Variants in RPH3A observed in about 807,000 individuals in gnomAD.
RPH3A encodes the protein rabphilin 3A.
A neutral mutation model predicts 102.2 loss-of-function variants in RPH3A; 48 were observed. That is an observed-to-expected ratio of 0.47 (90% CI 0.37 to 0.60). The LOEUF is 0.60. Among genes scored for constraint, RPH3A ranks in the 20% least tolerant of loss-of-function variants. RPH3A has a pLI of 0.00. For missense variants in RPH3A, 781 were observed against 910.1 expected (o/e 0.86, Z 1.83); for synonymous variants, 310 against 324.3 (o/e 0.96, Z 0.47).
At chr12:112,655,664 A>C (rs1326020859) in intron 1 of RPH3A, among the ~76,000 whole-genome samples, 2 of 130,218 alleles carry the variant, frequency 1.5e-5, no homozygotes, top group Non-Finnish European at 3.1e-5. Flanking sequence ...TCTGCCTCCC[A>C]GGTCCCAGCG....
At chr12:112,609,488 C>G (rs1466616315) in intron 1 of RPH3A, among the ~76,000 whole-genome samples, 1 of 152,158 alleles carries the variant, frequency 6.6e-6, no homozygotes, top group African/African-American at 2.4e-5. Flanking sequence ...TTTCTTCTCT[C>G]CTTCCACCTC....
chr12:112,818,085 G>A (rs1311702292), intron 2 of RPH3A, among the ~76,000 whole-genome samples: 1 of 152,122 alleles, frequency 6.6e-6, no homozygotes, highest in Admixed American at 6.5e-5. Context: ...GGCTGAGGCG[G>A]GCAGATCACG....
rs574863129 is a variant in RPH3A at position 112,777,370 on chromosome 12, T to G, written c.-139-14773T>G. Reference sequence around the variant, plus strand: ...TTCAAATCCCCTAGTAGCTTCTGCTTCTGCATGCCTTATTGTTTTTCCTCT... The same window carrying G: ...TTCAAATCCCCTAGTAGCTTCTGCTGCTGCATGCCTTATTGTTTTTCCTCT... On this transcript the variant is annotated intron_variant, in intron 1 of 21. Transcript: ENST00000543106. 3.9e-5 allele frequency among the ~76,000 whole-genome samples: 6 copies of G among 152,336 alleles called. No homozygotes were observed. The East Asian group carries it at 1.2e-3, about 29-fold the overall frequency.
intron 1 of RPH3A, among the ~76,000 whole-genome samples, chr12:112,716,472 T>G (rs1279344469): frequency 6.6e-6 from 1 of 152,258 alleles, no homozygotes; most frequent in Non-Finnish European, 1.5e-5. Flanking sequence ...TTCTTTCTCA[T>G]GTAATAGTCT....
chr12:112,661,565 CA>C (rs1411790293), intron 1 of RPH3A, among the ~76,000 whole-genome samples: 2 of 152,116 alleles, frequency 1.3e-5, no homozygotes, highest in Non-Finnish European at 1.5e-5. Context: ...GCAAAAATAG[CA>C]AGTAGAAACA....
At chr12:112,732,157 G>C (rs1462509518) in intron 1 of RPH3A, among the ~76,000 whole-genome samples, 1 of 152,146 alleles carries the variant, frequency 6.6e-6, no homozygotes, top group Non-Finnish European at 1.5e-5. Flanking sequence ...CTTGGTTCGT[G>C]GTGGGTCCTG....
At chr12:112,835,537 T>G (rs1312031268) in intron 3 of RPH3A, among the ~76,000 whole-genome samples, 1 of 152,226 alleles carries the variant, frequency 6.6e-6, no homozygotes, top group African/African-American at 2.4e-5. Context: ...TCTGAATGCA[T>G]CTGGCTGCTT....
intron 2 of RPH3A, among the ~76,000 whole-genome samples, chr12:112,822,068 T>A (rs1269589994): frequency 2.0e-5 from 3 of 152,084 alleles, no homozygotes; most frequent in African/African-American, 7.3e-5. Flanking sequence ...GAGGCCCTTT[T>A]GTTAAAGTAC....
chr12:112,685,302 T>C (rs2040255597), intron 1 of RPH3A, among the ~76,000 whole-genome samples: 1 of 152,168 alleles, frequency 6.6e-6, no homozygotes, highest in South Asian at 2.1e-4. Flanking sequence ...CACCTCATTA[T>C]CCCTGAAGAC....
chr12:112,606,162 C>T (rs972806551), intron 1 of RPH3A, among the ~76,000 whole-genome samples: 10 of 152,122 alleles, frequency 6.6e-5, no homozygotes, highest in Non-Finnish European at 8.8e-5. Flanking sequence ...CTCACGGTCT[C>T]GGAGATAATA....
In RPH3A at chr12:112,784,902, T is replaced by C. The variant is rs189532272; in HGVS notation, c.-139-7241T>C. 3.2e-3 allele frequency among the ~76,000 whole-genome samples: 488 copies of C among 152,324 alleles called. 3 individuals carry two copies. Among genetic ancestry groups the C allele is most frequent in the African/African-American group, 0.011 (472 of 41,580 alleles). ...CCTAAGATTGTGTTTTGGTACTCAC[T>C]GGCTTAACTGGGAAGCTGGCCTTAA... On this transcript the variant is annotated intron_variant, in intron 1 of 21. Coordinates refer to the RPH3A transcript ENST00000543106.
chr12:112,850,146 A>G (rs1050886661), intron 5 of RPH3A, among the ~76,000 whole-genome samples: 4 of 152,136 alleles, frequency 2.6e-5, no homozygotes, highest in African/African-American at 9.7e-5. Flanking sequence ...CCACTTACCC[A>G]CTGCATGCCC....
At chr12:112,785,723 C>T (rs1475263455) in intron 1 of RPH3A, among the ~76,000 whole-genome samples, 1 of 152,144 alleles carries the variant, frequency 6.6e-6, no homozygotes, top group African/African-American at 2.4e-5. Flanking sequence ...GGTTTAGTAA[C>T]TTCCTCAAGG....
intron 1 of RPH3A, among the ~76,000 whole-genome samples, chr12:112,640,609 T>C (rs779465000): frequency 4.6e-5 from 7 of 152,130 alleles, no homozygotes; most frequent in Non-Finnish European, 8.8e-5. Flanking sequence ...TTTGGAGCAA[T>C]AGATGCTTAG....
chr12:112,773,746 G>T (rs539246419), intron 1 of RPH3A, among the ~76,000 whole-genome samples: 10 of 152,154 alleles, frequency 6.6e-5, no homozygotes, highest in African/African-American at 2.4e-4. Flanking sequence ...TGAAGCTGCT[G>T]CTGGGAAGGA....
intron 1 of RPH3A, among the ~76,000 whole-genome samples, chr12:112,647,699 G>T (rs1444501501): frequency 6.6e-6 from 1 of 152,070 alleles, no homozygotes; most frequent in Non-Finnish European, 1.5e-5. Flanking sequence ...GAGAAAGTGA[G>T]CCATGTGGAT....
At chr12:112,597,491 G>A (rs2039525978) in intron 1 of RPH3A, among the ~76,000 whole-genome samples, 1 of 152,158 alleles carries the variant, frequency 6.6e-6, no homozygotes, top group South Asian at 2.1e-4. Flanking sequence ...TACAGCCTTG[G>A]GAGGCTGAGG....
At chr12:112,711,476 AT>A (rs1452706115) in intron 1 of RPH3A, among the ~76,000 whole-genome samples, 42 of 152,182 alleles carry the variant, frequency 2.8e-4, no homozygotes, top group African/African-American at 8.9e-4. Flanking sequence ...TAGCAATGCA[AT>A]ATAATTTTCT....
chr12:112,860,286 C>A (rs139998539), intron 5 of RPH3A, among the ~76,000 whole-genome samples: 3,780 of 152,300 alleles, frequency 0.025, 78 homozygotes, highest in Middle Eastern at 0.054. Context: ...CGTGTCCCCA[C>A]CTCACACGCA....
Sources: gnomAD v4.1 joint callset for allele counts (sites outside exome capture counted in the v4.1 genomes callset) on GRCh38, gnomAD v4.1.1 for gene constraint, MANE v1.5 for transcripts, NCBI Gene and HGNC (gene_info 2026-07-23, HGNC 2026-07-21) for gene names.